The following MYH9 variants were observed in gnomAD, a reference collection of about 807,000 sequenced individuals.
MYH9 encodes the protein myosin-9.
In MYH9, 29 loss-of-function variants were observed where a neutral mutation model predicts 241.9. The observed-to-expected ratio is 0.12, with a 90% CI of 0.09 to 0.16. MYH9 has a LOEUF of 0.16. Ranked by LOEUF, MYH9 falls within the 10% of genes least tolerant of loss-of-function variation. The pLI, the probability that MYH9 is intolerant of heterozygous loss-of-function variation, is 1.00. For synonymous variants in MYH9, 1,047 were observed against 1,062.6 expected (o/e 0.99, Z 0.29); for missense variants, 1,803 against 2,595.5 (o/e 0.69, Z 6.63).
In MYH9 at chr22:36,316,578, G is replaced by A. The variant is rs777347688; in HGVS notation, c.1319C>T (p.Thr440Ile). Residue 440 changes from threonine (T) to isoleucine (I), a missense_variant, in exon 12 of 41, where the codon ACC becomes ATC. Physicochemically the swap from Thr to Ile is moderately conservative, Grantham distance 89. Around this residue, in one of 11 missense-constraint regions of MYH9, gnomAD observed 222 missense variants for 359.9 expected, o/e 0.62. Transcript: ENST00000216181. Reference protein sequence around the residue: ...VLRINKALDKTKRQGASFIGI... With the variant: ...VLRINKALDKIKRQGASFIGI... The stretch of plus-strand genomic sequence containing the variant: ...GATGAAGGAGGCGCCCTGCCTCTTG[G>A]TCTTGTCCAGAGCCTTGTTGATGCG... The A allele has an allele frequency of 6.2e-7, 1 of 1,614,146 alleles. No homozygotes were observed. The highest frequency in any genetic ancestry group is 1.7e-5 in the Admixed American group (1 of 60,030).
Position 36,286,852 on chromosome 22 carries a change from G to A in MYH9, c.4933-6C>T, listed in dbSNP as rs778157316. The A allele has an allele frequency of 5.0e-6, 8 of 1,605,674 alleles. No individual in the cohort carries two copies. The highest frequency in any genetic ancestry group is 6.8e-6 in the Non-Finnish European group (8 of 1,179,994). ...ATGCAGTCCTTCATCTGGGCCTGGG[G>A]TGGGGACAGAGGCTTGGCACCCCAC... is the stretch of plus-strand genomic sequence containing the variant. On this transcript the variant is annotated splice_region_variant and splice_polypyrimidine_tract_variant and intron_variant, in intron 34 of 40. Transcript: ENST00000216181.
chr22:36,304,203 C>T, intron 18 of MYH9, 48 bp from the exon 19 acceptor site: 1 of 1,603,810 alleles, frequency 6.2e-7, no homozygotes, highest in African/African-American at 1.3e-5. Context: ...CTGGCCACAG[C>T]TCCATGAAAG....
intron 1 of MYH9, among the ~76,000 whole-genome samples, chr22:36,364,253 G>A (rs1347282126): frequency 1.3e-5 from 2 of 152,152 alleles, no homozygotes; most frequent in Non-Finnish European, 2.9e-5. Flanking sequence ...CTTTCCCCCA[G>A]TAGCCATCTC....
intron 32 of MYH9, 72 bp from the exon 33 acceptor site, chr22:36,289,011 G>C: frequency 6.2e-7 from 1 of 1,612,620 alleles, no homozygotes; most frequent in African/African-American, 1.3e-5. Flanking sequence ...CCCGGAGTCT[G>C]TGCACACACC....
rs560568966 is a variant in MYH9, at chr22:36,284,562, C to T, written c.5484-51G>A. ...AGGGAACACCCTCCTTCAGAGGGTC[C>T]GGCCAACAAGCCCTAACCAGGACCA... On this transcript the variant is annotated intron_variant, in intron 38 of 40. Coordinates refer to ENST00000216181, the MANE Select transcript of MYH9 (RefSeq NM_002473.6). 8.0e-5 allele frequency: 125 copies of T among 1,553,668 alleles called. 1 individual carries two copies. The highest frequency in any genetic ancestry group is 1.2e-4 in the South Asian group (11 of 89,616).
chr22:36,338,714 G>A (rs2017537084), intron 3 of MYH9, among the ~76,000 whole-genome samples: 1 of 152,040 alleles, frequency 6.6e-6, no homozygotes, highest in African/African-American at 2.4e-5. Context: ...CAGCTACTCA[G>A]GAGGCTGAGG....
chr22:36,326,592 G>C lies in MYH9; in HGVS notation c.588C>G (p.Ser196=), dbSNP rs1463823509. The C allele has an allele frequency of 2.5e-6, 4 of 1,614,126 alleles. No homozygotes were observed. In the South Asian group the frequency reaches 4.4e-5, roughly 18 times the overall value. Reference sequence around the variant, plus strand: ...CCTGGTCCTTCTTGCTCTTGTGCGAGGACGCCACGTACGCCAGATACTGGA... The same window carrying C: ...CCTGGTCCTTCTTGCTCTTGTGCGACGACGCCACGTACGCCAGATACTGGA... ...KVIQYLAYVA[S]SHKSKKDQGE... is the part of the protein sequence containing the mutation. The change falls in exon 5 of 41, where the codon TCC becomes TCG. Residue 196 remains serine, a synonymous_variant. Transcript: ENST00000216181.
At chr22:36,383,828 CGGGCACCTGTAATCCCAGCTA>C (rs1569537350) in intron 1 of MYH9, among the ~76,000 whole-genome samples, 4 of 151,884 alleles carry the variant, frequency 2.6e-5, no homozygotes, top group Non-Finnish European at 2.9e-5. Flanking sequence ...CGCATGGTGG[CGGGCACCTGTAATCCCAGCTA>C]TTCGGGAGGT....
Position 36,288,393 on chromosome 22 carries a change from C to T in MYH9, c.4791G>A (p.Glu1597=). The change falls in exon 34 of 41, where the codon GAG becomes GAA. Residue 1597 remains glutamate, a synonymous_variant. Coordinates refer to ENST00000216181, the MANE Select transcript of MYH9 (RefSeq NM_002473.6). The surrounding 1 kb of genome is among the most constrained non-coding windows in gnomAD (Gnocchi z 4.8). The part of the protein sequence containing the change: ...LVRQVREMEA[E]LEDERKQRSM... ...AGCGCTGCTTCCTCTCGTCCTCCAGCTCTGCCTCCATCTCCCGCACCTGGG... is the reference window on the plus strand; with the variant it reads ...AGCGCTGCTTCCTCTCGTCCTCCAGTTCTGCCTCCATCTCCCGCACCTGGG... 3 of 1,612,272 alleles carry T rather than the reference C, an allele frequency of 1.9e-6. No individual in the cohort carries two copies. Among genetic ancestry groups the T allele is most frequent in the Non-Finnish European group, 2.5e-6 (3 of 1,180,030 alleles).
chr22:36,281,690 T>C lies in MYH9; in HGVS notation c.*978A>G, dbSNP rs886057472. Reference sequence around the variant, plus strand: ...ACAAGAAAGGGGAAAAAAGAAAACCTTATTTTGCTTTCAAAAATACCTGTG... The same window carrying C: ...ACAAGAAAGGGGAAAAAAGAAAACCCTATTTTGCTTTCAAAAATACCTGTG... On this transcript the variant is annotated 3_prime_UTR_variant, in exon 41 of 41. Transcript: ENST00000216181. 3.5e-4 allele frequency: 80 copies of C among 230,332 alleles called. No individual in the cohort carries two copies. Among genetic ancestry groups the C allele is most frequent in the Non-Finnish European group, 8.6e-5 (10 of 116,020 alleles). 14.3% of individuals were successfully genotyped at this position (230,332 alleles called of 1,614,324 possible). A position where few individuals can be genotyped will look rare whatever the true frequency, so the allele number is the denominator to read the frequency against.
intron 18 of MYH9, 83 bp from the exon 19 acceptor site, chr22:36,304,238 G>T: frequency 6.8e-7 from 1 of 1,467,052 alleles, no homozygotes; most frequent in Non-Finnish European, 9.5e-7. Context: ...AGCTGGAGGT[G>T]TGCCCTTCAC....
At chr22:36,368,087 G>A (rs16996701) in intron 1 of MYH9, among the ~76,000 whole-genome samples, 7,496 of 152,238 alleles carry the variant, frequency 0.049, 576 homozygotes, top group African/African-American at 0.17. Context: ...GGAGGTAAGC[G>A]CTGGATTCTC....
chr22:36,333,242 G>A (rs1242491286), intron 3 of MYH9, among the ~76,000 whole-genome samples: 1 of 152,236 alleles, frequency 6.6e-6, no homozygotes, highest in East Asian at 1.9e-4. Flanking sequence ...AGAGCACCAG[G>A]GACATCAATG....
chr22:36,320,944 T>C lies in MYH9; in HGVS notation c.770-48A>G. On this transcript the variant is annotated intron_variant, in intron 7 of 40. Coordinates refer to ENST00000216181, the MANE Select transcript of MYH9 (RefSeq NM_002473.6). The surrounding 1 kb of genome is among the most constrained non-coding windows in gnomAD (Gnocchi z 4.8). ...CACAAGCTGGGGAGAAGGCAAGCCC[T>C]CCACTTTCCTCATTTTTTTTTTTTT... 2 of 1,487,736 alleles carry C rather than the reference T, an allele frequency of 1.3e-6. No homozygotes were observed. The allele number at this position is 1,487,736 out of a possible 1,614,324, so 92.2% of individuals were successfully genotyped here.
intron 1 of MYH9, among the ~76,000 whole-genome samples, chr22:36,360,285 G>A (rs546194267): frequency 3.7e-4 from 57 of 152,298 alleles, no homozygotes; most frequent in African/African-American, 1.2e-3. Context: ...CTCAGGGACA[G>A]TGACTATAAA....
intron 34 of MYH9, among the ~76,000 whole-genome samples, chr22:36,287,540 G>A (rs961454665): frequency 6.6e-6 from 1 of 152,132 alleles, no homozygotes; most frequent in African/African-American, 2.4e-5. Flanking sequence ...TCAGGAGATT[G>A]AGACCATCCT....
rs1047118543 is a variant in MYH9 at position 36,305,132 on chromosome 22, T to G, written c.2160-30A>C. Reference sequence around the variant, plus strand: ...GGAAGGAAAGAGAAGCCTGGTCATTTTACCCATTGCCTCGATTCCACATGC... The same window carrying G: ...GGAAGGAAAGAGAAGCCTGGTCATTGTACCCATTGCCTCGATTCCACATGC... On this transcript the variant is annotated intron_variant, in intron 17 of 40. Transcript: ENST00000216181. This position sits in a 1 kb window ranked among gnomAD's most constrained non-coding sequence, Gnocchi z 4.7. The G allele has an allele frequency of 3.8e-6, 6 of 1,583,018 alleles. No homozygotes were observed. The highest frequency in any genetic ancestry group is 5.2e-6 in the Non-Finnish European group (6 of 1,151,866).
In MYH9 at chr22:36,305,543, G is replaced by A. The variant is rs1169020007; in HGVS notation, c.2159+387C>T. On this transcript the variant is annotated intron_variant, in intron 17 of 40. Coordinates refer to ENST00000216181, the MANE Select transcript of MYH9 (RefSeq NM_002473.6). The surrounding 1 kb of genome is among the most constrained non-coding windows in gnomAD (Gnocchi z 4.7). ...ACAGTCATTAGAGAAACAGGAAGGT[G>A]TCGCCGTCTTCGCACACAGCAACGC... is the stretch of plus-strand genomic sequence containing the variant. Among the ~76,000 whole-genome samples, 1 of 152,214 alleles carries A rather than the reference G, an allele frequency of 6.6e-6. No homozygotes were observed. Among genetic ancestry groups the A allele is most frequent in the Non-Finnish European group, 1.5e-5 (1 of 68,030 alleles).
intron 11 of MYH9, 45 bp downstream of exon 11, chr22:36,318,162 A>G: frequency 6.5e-7 from 1 of 1,542,822 alleles, no homozygotes. Context: ...CTGCAGGGAC[A>G]TTCACCCAGG....
Sources: gnomAD v4.1 joint callset for allele counts (sites outside exome capture counted in the v4.1 genomes callset) on GRCh38, gnomAD v4.1.1 for gene constraint, gnomAD v4.1.1 regional missense constraint, Gnocchi (gnomAD v3.1) non-coding constraint, MANE v1.5 for transcripts, NCBI Gene and HGNC (gene_info 2026-07-23, HGNC 2026-07-21) for gene names.